DLG2: variants seen among roughly 807,000 people sequenced by gnomAD.
DLG2 encodes the protein discs large MAGUK scaffold protein 2.
DLG2 carries 45 observed loss-of-function variants against 132.5 expected under a neutral mutation model. The observed-to-expected ratio is 0.34, with a 90% confidence interval of 0.27 to 0.44. DLG2 has a LOEUF of 0.44. DLG2 is among the 20% of genes least tolerant of loss of function. The pLI is 1.00. For synonymous variants in DLG2, 424 were observed against 419.6 expected, an observed-to-expected ratio of 1.01 and a Z score of -0.13; for missense variants, 1,045 against 1,196.9, an observed-to-expected ratio of 0.87 and a Z score of 1.87.
chr11:83,613,343 C>G (rs2060377694), intron 19 of DLG2, among the ~76,000 whole-genome samples: 1 of 152,174 alleles, frequency 6.6e-6, no homozygotes, highest in African/African-American at 2.4e-5. Flanking sequence ...CACACTCAAA[C>G]TATTAATATG....
intron 6 of DLG2, among the ~76,000 whole-genome samples, chr11:84,908,314 C>A (rs549708248): frequency 6.6e-6 from 1 of 152,138 alleles, no homozygotes; most frequent in African/African-American, 2.4e-5. Flanking sequence ...TGAGATACTT[C>A]ATTTTTTCAT....
At chr11:85,244,534 G>A (rs1026084215) in intron 4 of DLG2, among the ~76,000 whole-genome samples, 3 of 151,962 alleles carry the variant, frequency 2.0e-5, no homozygotes, top group African/African-American at 7.2e-5. Flanking sequence ...TAATGGGATG[G>A]TGTAATGAAT....
At chr11:83,606,734 T>C (rs2059390564) in intron 19 of DLG2, among the ~76,000 whole-genome samples, 1 of 151,812 alleles carries the variant, frequency 6.6e-6, no homozygotes, top group African/African-American at 2.4e-5. Flanking sequence ...AAGACCATCC[T>C]GGCTAATACA....
intron 16 of DLG2, among the ~76,000 whole-genome samples, chr11:83,869,453 G>A (rs1355496645): frequency 6.6e-6 from 1 of 152,110 alleles, no homozygotes; most frequent in African/African-American, 2.4e-5. Context: ...AGCCCCAATG[G>A]AGCCATGGTT....
rs571269878 is a variant in DLG2 at position 83,876,173 on chromosome 11, C to T, written c.1497-1685G>A. Reference sequence around the variant, plus strand: ...TCATCTTATAAGACTGGGATAGTAACAGGACTTTCCTCACAGGGTTATTAT... The same window carrying T: ...TCATCTTATAAGACTGGGATAGTAATAGGACTTTCCTCACAGGGTTATTAT... On this transcript the variant is annotated intron_variant, in intron 15 of 27. Coordinates refer to ENST00000376104, the MANE Select transcript of DLG2 (RefSeq NM_001142699.3). Among the ~76,000 whole-genome samples the T allele has an allele frequency of 3.3e-5, 5 of 152,240 alleles. No homozygotes were observed. The South Asian group carries it at 1.0e-3, about 32-fold the overall frequency.
At chr11:84,138,643 T>A (rs184294680) in intron 9 of DLG2, among the ~76,000 whole-genome samples, 1 of 152,272 alleles carries the variant, frequency 6.6e-6, no homozygotes, top group Non-Finnish European at 1.5e-5. Context: ...AGAAACATAC[T>A]ACAACTAGGA....
At chr11:83,723,189 C>T (rs555439097) in intron 18 of DLG2, among the ~76,000 whole-genome samples, 81 of 151,568 alleles carry the variant, frequency 5.3e-4, no homozygotes, top group Non-Finnish European at 9.3e-4. Context: ...GAGACCAGCC[C>T]GGCCAACATG....
intron 7 of DLG2, among the ~76,000 whole-genome samples, chr11:84,266,266 T>G (rs1459246545): frequency 6.6e-6 from 1 of 152,188 alleles, no homozygotes; most frequent in Non-Finnish European, 1.5e-5. Flanking sequence ...GATATAAAGA[T>G]AGCAGGCTCT....
intron 18 of DLG2, among the ~76,000 whole-genome samples, chr11:83,639,166 C>T (rs1481141287): frequency 6.6e-6 from 1 of 152,156 alleles, no homozygotes. Flanking sequence ...GTGGGTTAGG[C>T]AATAGCATGA....
chr11:83,657,850 ATTC>A (rs1448630166), intron 18 of DLG2, among the ~76,000 whole-genome samples: 1 of 152,124 alleles, frequency 6.6e-6, no homozygotes, highest in African/African-American at 2.4e-5. Context: ...TATATTGTCT[ATTC>A]TTAACAATCT....
chr11:83,659,299 CAG>C (rs928196124), intron 18 of DLG2, among the ~76,000 whole-genome samples: 1 of 151,408 alleles, frequency 6.6e-6, no homozygotes, highest in Non-Finnish European at 1.5e-5. Flanking sequence ...GTTAATAAAA[CAG>C]AGAGAGAGAG....
intron 3 of DLG2, among the ~76,000 whole-genome samples, chr11:85,399,345 G>C (rs1309195050): frequency 6.6e-6 from 1 of 152,206 alleles, no homozygotes; most frequent in South Asian, 2.1e-4. Flanking sequence ...CGTGAAAATG[G>C]CCATACTGCC....
chr11:84,267,221 G>A (rs748268938), intron 7 of DLG2, among the ~76,000 whole-genome samples: 14 of 102,284 alleles, frequency 1.4e-4, no homozygotes, highest in African/African-American at 3.6e-4. Flanking sequence ...TGATGATTGC[G>A]TACAAAAGTA....
intron 17 of DLG2, among the ~76,000 whole-genome samples, chr11:83,804,630 A>G (rs2045451169): frequency 6.8e-6 from 1 of 147,886 alleles, no homozygotes; most frequent in South Asian, 2.1e-4. Context: ...TTTCTGAACC[A>G]TTTGAATTAT....
At chr11:84,635,714 A>G (rs910337560) in intron 6 of DLG2, among the ~76,000 whole-genome samples, 6 of 152,096 alleles carry the variant, frequency 3.9e-5, no homozygotes, top group Non-Finnish European at 8.8e-5. Flanking sequence ...TAATTCCCTC[A>G]AGGACTCTGT....
At position 83,550,269 on chromosome 11, in the gene DLG2, A is replaced by G. The variant is rs576478093; in HGVS notation, c.1941-8411T>C. On this transcript the variant is annotated intron_variant, in intron 19 of 27. Coordinates refer to ENST00000376104, the MANE Select transcript of DLG2 (RefSeq NM_001142699.3). Reference sequence around the variant, plus strand: ...CCTGCAGCTATAGCTTTTAGAGTATAATCAGGGAAGAAGCATAACTTCCAG... The same window carrying G: ...CCTGCAGCTATAGCTTTTAGAGTATGATCAGGGAAGAAGCATAACTTCCAG... Among the ~76,000 whole-genome samples the G allele has an allele frequency of 9.8e-5, 15 of 152,290 alleles. No individual in the cohort carries two copies. In the South Asian group the frequency reaches 3.1e-3, roughly 32 times the overall value.
At chr11:84,087,174 G>A (rs79106461) in intron 10 of DLG2, among the ~76,000 whole-genome samples, 2 of 152,210 alleles carry the variant, frequency 1.3e-5, no homozygotes, top group Non-Finnish European at 2.9e-5. Context: ...TATATGCTAG[G>A]AGTAGAATGA....
intron 7 of DLG2, among the ~76,000 whole-genome samples, chr11:84,529,098 C>G (rs773348587): frequency 1.6e-4 from 25 of 152,052 alleles, no homozygotes; most frequent in Non-Finnish European, 3.5e-4. Flanking sequence ...ACATTTATTC[C>G]TATTACTATT....
At chr11:84,718,245 ATTATT>A (rs1268323557) in intron 6 of DLG2, among the ~76,000 whole-genome samples, 11 of 152,108 alleles carry the variant, frequency 7.2e-5, no homozygotes, top group Non-Finnish European at 1.5e-4. Flanking sequence ...CTCTAAAAGC[ATTATT>A]TTATTTTCAC....
Sources: allele counts gnomAD v4.1 joint callset (sites outside exome capture counted in the v4.1 genomes callset), GRCh38; gene constraint gnomAD v4.1.1; transcripts MANE v1.5; gene names NCBI Gene and HGNC (gene_info 2026-07-23, HGNC 2026-07-21).